SH2D3C: variants seen among roughly 807,000 people sequenced by gnomAD.
SH2D3C encodes the protein SH2 domain-containing protein 3C.
A neutral mutation model predicts 75.2 loss-of-function variants in SH2D3C; 25 were observed. That is an observed-to-expected ratio of 0.33 (90% CI 0.24 to 0.46). The LOEUF (loss-of-function observed/expected upper bound fraction) is 0.46, where lower values mean the gene tolerates loss of function less well. Ranked by LOEUF, SH2D3C falls within the 20% of genes least tolerant of loss-of-function variation. The probability of loss-of-function intolerance (pLI) is 1.00; values close to 1 mark genes in which losing one functional copy is unlikely to be tolerated. For synonymous variants in SH2D3C, 450 were observed against 473.7 expected, an observed-to-expected ratio of 0.95 and a Z score of 0.65; for missense variants, 933 against 1,165.3, an observed-to-expected ratio of 0.80 and a Z score of 2.90.
At chr9:127,746,639 C>T (rs1183415355) in intron 6 of SH2D3C, among the ~76,000 whole-genome samples, 7 of 152,144 alleles carry the variant, frequency 4.6e-5, no homozygotes, top group African/African-American at 1.7e-4. Flanking sequence ...CCCATCTCTA[C>T]TAAAAATACA....
Position 127,754,930 on chromosome 9 carries a change from G to GC in SH2D3C, c.556-3631dup. The GC allele has an allele frequency of 3.9e-6, 2 of 511,448 alleles. No individual in the cohort carries two copies. The highest frequency in any genetic ancestry group is 1.6e-5 in the South Asian group (1 of 62,406). 31.7% of individuals were successfully genotyped at this position (511,448 alleles called of 1,614,324 possible). A position where few individuals can be genotyped will look rare whatever the true frequency, so the allele number is the denominator to read the frequency against. On this transcript the variant is annotated intron_variant, in intron 3 of 11. Coordinates refer to ENST00000314830, the MANE Select transcript of SH2D3C (RefSeq NM_170600.3). The surrounding 1 kb of genome is among the most constrained non-coding windows in gnomAD (Gnocchi z 4.4). ...CCAGAGGTGAGGCTGGGGTGACCCC[G>GC]CCCCCTCCCCGGGTCGGCCGGGCCC...
intron 9 of SH2D3C, 38 bp downstream of exon 9, chr9:127,741,750 C>CA: frequency 1.2e-6 from 2 of 1,601,434 alleles, no homozygotes; most frequent in Non-Finnish European, 1.7e-6. Flanking sequence ...CTCTTCCAGA[C>CA]AGTCTACCGG....
Position 127,742,845 on chromosome 9 carries a change from T to TCAC in SH2D3C, c.1916+1_1916+3dup. 1 of 1,610,084 alleles carries TCAC rather than the reference T, an allele frequency of 6.2e-7. No individual in the cohort carries two copies. The highest frequency in any genetic ancestry group is 1.1e-5 in the South Asian group (1 of 90,736). On this transcript the variant is annotated splice_donor_region_variant and intron_variant, in intron 8 of 11. Transcript: ENST00000314830. ...CGAGTCCCCGGGTGCCGGCGCTGTC[T>TCAC]CACCTTTCCAGCAGGTCTAGGCGTA... is the stretch of plus-strand genomic sequence containing the variant.
rs936890434 is a variant in SH2D3C at position 127,739,159 on chromosome 9, T to TC, written c.2408-239_2408-238insG. On this transcript the variant is annotated intron_variant, in intron 11 of 11. Coordinates refer to ENST00000314830, the MANE Select transcript of SH2D3C (RefSeq NM_170600.3). The surrounding 1 kb of genome is among the most constrained non-coding windows in gnomAD (Gnocchi z 4.3). ...AAATATGTTTGCAGATTTTTGGTGA[T>TC]TTTTTTTCTTTTTTCGTATTTTTCT... 3.4e-4 allele frequency among the ~76,000 whole-genome samples: 6 copies of TC among 17,552 alleles called. No homozygotes were observed. The highest frequency in any genetic ancestry group is 2.4e-3 in the African/African-American group (2 of 848). 11.5% of individuals were successfully genotyped at this position (17,552 alleles called of 152,430 possible). A position where few individuals can be genotyped will look rare whatever the true frequency, so the allele number is the denominator to read the frequency against.
At chr9:127,768,000 A>G (rs1011745583) in intron 2 of SH2D3C, among the ~76,000 whole-genome samples, 1 of 152,154 alleles carries the variant, frequency 6.6e-6, no homozygotes, top group African/African-American at 2.4e-5. Flanking sequence ...GGAACAGCCC[A>G]TCCTTCCCAA....
chr9:127,762,412 G>A (rs776733008), intron 2 of SH2D3C: 38 of 889,456 alleles, frequency 4.3e-5, no homozygotes, highest in Non-Finnish European at 2.0e-5. Context: ...CCTCCCCTTG[G>A]ATATCTGAAG....
rs1844865072 is a variant in SH2D3C at position 127,741,809 on chromosome 9, C to CGCG, written c.2066_2067insCGC (p.Met689delinsIleAla). 1.9e-6 allele frequency: 3 copies of CGCG among 1,613,106 alleles called. No homozygotes were observed. In the Admixed American group the frequency reaches 5.0e-5, roughly 27 times the overall value. ...GTACCTGGGCCATGTCCAGGGCACC[C>CGCG]ATGACCGCCGCGAAGCTGAACATGT... On this transcript the variant is annotated protein_altering_variant, in exon 9 of 12. Coordinates refer to ENST00000314830, the MANE Select transcript of SH2D3C (RefSeq NM_170600.3).
Position 127,746,110 on chromosome 9 carries a change from C to T in SH2D3C, c.1265-1011G>A, listed in dbSNP as rs138696485. Reference sequence around the variant, plus strand: ...TTGACATCTGGGCTGCTTTACTATACCAGATTGCTTAGAAACTGTCCAATA... The same window carrying T: ...TTGACATCTGGGCTGCTTTACTATATCAGATTGCTTAGAAACTGTCCAATA... On this transcript the variant is annotated intron_variant, in intron 6 of 11. Coordinates refer to ENST00000314830, the MANE Select transcript of SH2D3C (RefSeq NM_170600.3). Among the ~76,000 whole-genome samples, 6 of 152,166 alleles carry T rather than the reference C, an allele frequency of 3.9e-5. No homozygotes were observed. In the East Asian group the frequency reaches 1.2e-3, roughly 29 times the overall value.
At chr9:127,747,401 C>T in intron 5 of SH2D3C, 130 bp from the exon 6 acceptor site, 1 of 854,792 alleles carries the variant, frequency 1.2e-6, no homozygotes, top group Non-Finnish European at 1.7e-6. Context: ...AATCCAACCT[C>T]CCGACTGACA....
intron 4 of SH2D3C, among the ~76,000 whole-genome samples, chr9:127,750,924 C>T (rs983358788): frequency 6.6e-6 from 1 of 152,198 alleles, no homozygotes; most frequent in African/African-American, 2.4e-5. Context: ...AAACATTTTA[C>T]CTGCATTATT....
At chr9:127,753,399 G>A (rs1019019799) in intron 3 of SH2D3C, among the ~76,000 whole-genome samples, 1 of 152,192 alleles carries the variant, frequency 6.6e-6, no homozygotes, top group Non-Finnish European at 1.5e-5. Context: ...GGAGCAGCTT[G>A]GTGGTGGACC....
At chr9:127,776,611 C>A (rs1845814849) in intron 1 of SH2D3C, among the ~76,000 whole-genome samples, 1 of 152,238 alleles carries the variant, frequency 6.6e-6, no homozygotes, top group Non-Finnish European at 1.5e-5. Flanking sequence ...AGGTAAAACT[C>A]CGGCATTTTC....
chr9:127,764,586 C>T (rs1413622800), intron 2 of SH2D3C, among the ~76,000 whole-genome samples: 1 of 152,218 alleles, frequency 6.6e-6, no homozygotes, highest in Non-Finnish European at 1.5e-5. Flanking sequence ...CTCCCCCTCA[C>T]CTGCGCTGCT....
chr9:127,740,403 C>T (rs1330922954), intron 9 of SH2D3C, 34 bp from the exon 10 acceptor site: 1 of 1,567,764 alleles, frequency 6.4e-7, no homozygotes, highest in South Asian at 1.1e-5. Flanking sequence ...ACCAGCCAGG[C>T]AGAGGGCCTG....
chr9:127,752,507 G>A (rs1326530325), intron 3 of SH2D3C, among the ~76,000 whole-genome samples: 3 of 152,058 alleles, frequency 2.0e-5, no homozygotes, highest in Non-Finnish European at 4.4e-5. Context: ...TTCATCCCAG[G>A]TGAGTCTCTC....
chr9:127,743,093 C>T (rs929654148), intron 7 of SH2D3C, 129 bp from the exon 8 acceptor site: 4 of 598,666 alleles, frequency 6.7e-6, no homozygotes, highest in African/African-American at 5.6e-5. Flanking sequence ...CCAGCTCCAC[C>T]GCTAACCCTC....
intron 5 of SH2D3C, 53 bp from the exon 6 acceptor site, chr9:127,747,324 C>T (rs901935721): frequency 1.9e-6 from 3 of 1,565,948 alleles, no homozygotes; most frequent in African/African-American, 1.3e-5. Flanking sequence ...GGGGCCTCAG[C>T]CTGCCTCTGG....
intron 2 of SH2D3C, among the ~76,000 whole-genome samples, chr9:127,769,900 T>G (rs574584326): frequency 7.1e-4 from 108 of 152,160 alleles, no homozygotes; most frequent in African/African-American, 2.6e-3. Context: ...CCCAGTCTAG[T>G]GTTGAGCTAG....
chr9:127,766,005 T>C (rs1845626872), intron 2 of SH2D3C, among the ~76,000 whole-genome samples: 2 of 152,380 alleles, frequency 1.3e-5, no homozygotes, highest in African/African-American at 4.8e-5. Context: ...TTAGCTTAAT[T>C]AATTGGATTA....
Sources: gnomAD v4.1 joint callset for allele counts (sites outside exome capture counted in the v4.1 genomes callset) on GRCh38, gnomAD v4.1.1 for gene constraint, Gnocchi (gnomAD v3.1) non-coding constraint, MANE v1.5 for transcripts, NCBI Gene and HGNC (gene_info 2026-07-23, HGNC 2026-07-21) for gene names.